The following POFUT3 variants were observed in gnomAD, a reference collection of about 807,000 sequenced individuals.
POFUT3 encodes protein O-fucosyltransferase 3.
chr8:33,406,997 C>T, the POFUT3 span, among the ~76,000 whole-genome samples: 1 of 152,162 alleles, frequency 6.6e-6, no homozygotes, highest in African/African-American at 2.4e-5. Context: ...GCCTCACAAA[C>T]CTTGTATAAT....
the POFUT3 span, among the ~76,000 whole-genome samples, chr8:33,398,692 T>G: frequency 4.6e-5 from 7 of 152,120 alleles, no homozygotes; most frequent in East Asian, 1.3e-3. Context: ...ATAACAAACC[T>G]GCACATGTAC....
the POFUT3 span, among the ~76,000 whole-genome samples, chr8:33,441,807 G>A: frequency 2.0e-5 from 3 of 152,248 alleles, no homozygotes; most frequent in Non-Finnish European, 2.9e-5. Flanking sequence ...GAGGATTTCT[G>A]TGGGTCGGAG....
chr8:33,355,125 T>C, the POFUT3 span, among the ~76,000 whole-genome samples: 1 of 152,174 alleles, frequency 6.6e-6, no homozygotes, highest in Non-Finnish European at 1.5e-5. Flanking sequence ...ACACCTAGGC[T>C]TTCTTATCAA....
At chr8:33,316,949 A>T in the POFUT3 span, among the ~76,000 whole-genome samples, 4 of 152,136 alleles carry the variant, frequency 2.6e-5, no homozygotes, top group South Asian at 8.3e-4. Flanking sequence ...TTTTGAGCAA[A>T]TGTGTAAAGT....
the POFUT3 span, chr8:33,389,825 T>G: frequency 1.9e-5 from 27 of 1,433,860 alleles, no homozygotes; most frequent in Non-Finnish European, 2.6e-5. Context: ...AGATATTAAT[T>G]AGTATTTCCA....
the POFUT3 span, among the ~76,000 whole-genome samples, chr8:33,365,401 A>T: frequency 9.8e-5 from 15 of 152,288 alleles, no homozygotes; most frequent in African/African-American, 3.4e-4. Context: ...AAGCCAAAAT[A>T]GACAAATGGA....
chr8:33,406,614 T>G, the POFUT3 span, among the ~76,000 whole-genome samples: 1 of 151,908 alleles, frequency 6.6e-6, no homozygotes, highest in Non-Finnish European at 1.5e-5. Flanking sequence ...AATTTTTTTT[T>G]TAGAGAAGGG....
the POFUT3 span, among the ~76,000 whole-genome samples, chr8:33,437,806 T>C: frequency 5.9e-5 from 9 of 151,774 alleles, no homozygotes; most frequent in African/African-American, 1.7e-4. Flanking sequence ...TGAGACTCCA[T>C]CTCAAAAAAG....
At chr8:33,419,534 GC>G in the POFUT3 span, among the ~76,000 whole-genome samples, 1 of 152,182 alleles carries the variant, frequency 6.6e-6, no homozygotes, top group Non-Finnish European at 1.5e-5. Flanking sequence ...TGGCTCACCC[GC>G]CACTCGCCTC....
chr8:33,384,113 G>A, the POFUT3 span, among the ~76,000 whole-genome samples: 1 of 152,208 alleles, frequency 6.6e-6, no homozygotes, highest in East Asian at 1.9e-4. Flanking sequence ...CAGCCACTGA[G>A]AGAAAGCTCA....
chr8:33,358,913 T>C, the POFUT3 span, among the ~76,000 whole-genome samples: 33 of 152,222 alleles, frequency 2.2e-4, no homozygotes, highest in African/African-American at 6.7e-4. Flanking sequence ...AAAAGAGGGT[T>C]GTTTATGAAC....
the POFUT3 span, among the ~76,000 whole-genome samples, chr8:33,420,877 A>G: frequency 6.6e-6 from 1 of 152,176 alleles, no homozygotes; most frequent in Non-Finnish European, 1.5e-5. Flanking sequence ...CATTATATGT[A>G]TCAAAACATC....
the POFUT3 span, among the ~76,000 whole-genome samples, chr8:33,342,014 C>G: frequency 6.6e-6 from 1 of 152,104 alleles, no homozygotes; most frequent in Non-Finnish European, 1.5e-5. Context: ...AAACCCCACT[C>G]TACTAAATAT....
the POFUT3 span, among the ~76,000 whole-genome samples, chr8:33,363,369 C>A: frequency 6.6e-6 from 1 of 152,022 alleles, no homozygotes; most frequent in African/African-American, 2.4e-5. Context: ...ACTAGAGAAG[C>A]AAGAGCAAAC....
chr8:33,350,165 C>G, the POFUT3 span, among the ~76,000 whole-genome samples: 1 of 152,000 alleles, frequency 6.6e-6, no homozygotes, highest in Admixed American at 6.6e-5. Context: ...GATATTAGTC[C>G]TTTGTCAGAT....
chr8:33,320,525 T>G, the POFUT3 span, among the ~76,000 whole-genome samples: 1 of 152,230 alleles, frequency 6.6e-6, no homozygotes, highest in African/African-American at 2.4e-5. Context: ...CAAAACTCAG[T>G]GGTTAAAATT....
the POFUT3 span, among the ~76,000 whole-genome samples, chr8:33,315,549 G>T: frequency 6.6e-6 from 1 of 152,072 alleles, no homozygotes; most frequent in Non-Finnish European, 1.5e-5. Flanking sequence ...GTCAGAAAGT[G>T]GGGGCCGTGT....
chr8:33,468,344 G>A, the POFUT3 span, among the ~76,000 whole-genome samples: 2 of 152,144 alleles, frequency 1.3e-5, no homozygotes, highest in East Asian at 3.8e-4. Context: ...GCAGAAGGCA[G>A]GGAGCTCTGG....
the POFUT3 span, chr8:33,372,609 G>C: frequency 1.9e-6 from 3 of 1,613,920 alleles, no homozygotes; most frequent in South Asian, 3.3e-5. Flanking sequence ...CAAAACTCTT[G>C]AGATGAAAAG....
Sources: gnomAD v4.1 joint callset for allele counts (sites outside exome capture counted in the v4.1 genomes callset) on GRCh38, gnomAD v4.1.1 for gene constraint, MANE v1.5 for transcripts, NCBI Gene and HGNC (gene_info 2026-07-23, HGNC 2026-07-21) for gene names.